Variants in LRP1B observed in about 807,000 individuals in gnomAD.
LRP1B encodes low-density lipoprotein receptor-related protein 1B.
In LRP1B, 217 loss-of-function variants were observed where a neutral mutation model predicts 556.6. The observed-to-expected ratio is 0.39, with a 90% CI of 0.35 to 0.44. The LOEUF is 0.44. Ranked by LOEUF, LRP1B falls within the 20% of genes least tolerant of loss-of-function variation. The probability of loss-of-function intolerance (pLI) is 1.00; values close to 1 mark genes in which losing one functional copy is unlikely to be tolerated. For synonymous variants in LRP1B, 2,047 were observed against 1,865.8 expected, an observed-to-expected ratio of 1.10 and a Z score of -2.50; for missense variants, 5,053 against 5,620.8, an observed-to-expected ratio of 0.90 and a Z score of 3.23.
In LRP1B at chr2:140,808,973, CT is replaced by C. The variant is rs909909832; in HGVS notation, c.5359+4683del. On this transcript the variant is annotated intron_variant, in intron 32 of 90. Transcript: ENST00000389484. ...ATACTATACCAGCTCTACCAGGTGA[CT>C]TTTTTTTTTCTACTAAAGTCCCCTC... Among the ~76,000 whole-genome samples the C allele has an allele frequency of 2.4e-3, 353 of 149,882 alleles. 1 individual carries two copies. The highest frequency in any genetic ancestry group is 6.6e-3 in the African/African-American group (270 of 40,848).
chr2:141,576,753 CAAA>C (rs72183984), intron 2 of LRP1B, among the ~76,000 whole-genome samples: 44 of 92,300 alleles, frequency 4.8e-4, no homozygotes, highest in Admixed American at 5.3e-4. Context: ...GCCCCTGTCT[CAAA>C]AAAAAAAAAA....
chr2:141,975,395 T>C (rs1430270075), intron 1 of LRP1B, among the ~76,000 whole-genome samples: 1 of 152,062 alleles, frequency 6.6e-6, no homozygotes, highest in Non-Finnish European at 1.5e-5. Context: ...AGCCTCCTCC[T>C]TCATGGAAAG....
chr2:140,786,240 T>C (rs1689895969), intron 32 of LRP1B, among the ~76,000 whole-genome samples: 1 of 152,184 alleles, frequency 6.6e-6, no homozygotes, highest in Admixed American at 6.5e-5. Flanking sequence ...CAACTTTCAA[T>C]TTTCCAGGGA....
At chr2:141,533,559 G>C (rs559166041) in intron 2 of LRP1B, among the ~76,000 whole-genome samples, 1 of 152,150 alleles carries the variant, frequency 6.6e-6, no homozygotes, top group African/African-American at 2.4e-5. Context: ...GAGCCCCATA[G>C]ATAAGTTTAC....
chr2:140,876,764 C>G (rs1403407377), intron 25 of LRP1B, among the ~76,000 whole-genome samples: 1 of 152,106 alleles, frequency 6.6e-6, no homozygotes, highest in Non-Finnish European at 1.5e-5. Context: ...TTCTATGGAA[C>G]AAAATTCCAT....
intron 7 of LRP1B, among the ~76,000 whole-genome samples, chr2:141,074,618 A>C: frequency 9.8e-6 from 1 of 101,786 alleles, no homozygotes; most frequent in South Asian, 3.5e-4. Flanking sequence ...TTTTTTATAT[A>C]TATATAAAAC....
At chr2:140,345,643 T>G (rs1681610125) in intron 77 of LRP1B, among the ~76,000 whole-genome samples, 1 of 147,968 alleles carries the variant, frequency 6.8e-6, no homozygotes, top group South Asian at 2.1e-4. Context: ...TGTGTATGTA[T>G]GTATATATGT....
intron 43 of LRP1B, 63 bp from the exon 44 acceptor site, chr2:140,542,034 T>A (rs1465345905): frequency 1.9e-6 from 2 of 1,062,486 alleles, no homozygotes; most frequent in Non-Finnish European, 2.6e-6. Flanking sequence ...CGTCCACACC[T>A]ATTTTTGCTT....
intron 2 of LRP1B, among the ~76,000 whole-genome samples, chr2:141,693,821 A>T (rs1691632917): frequency 6.6e-6 from 1 of 151,944 alleles, no homozygotes. Context: ...ATTCTCTTGA[A>T]TTTGCTGCCC....
intron 55 of LRP1B, among the ~76,000 whole-genome samples, chr2:140,501,048 G>A (rs758471080): frequency 6.6e-6 from 1 of 151,884 alleles, no homozygotes; most frequent in Non-Finnish European, 1.5e-5. Context: ...CATTGTGTTA[G>A]TTTTGTCCGT....
At chr2:141,733,693 G>C (rs948040864) in intron 2 of LRP1B, among the ~76,000 whole-genome samples, 2 of 152,030 alleles carry the variant, frequency 1.3e-5, no homozygotes, top group Non-Finnish European at 2.9e-5. Context: ...TTACATGGAG[G>C]TCCTCAAATA....
intron 1 of LRP1B, among the ~76,000 whole-genome samples, chr2:142,109,880 A>G (rs1438274003): frequency 6.6e-6 from 1 of 152,194 alleles, no homozygotes; most frequent in East Asian, 1.9e-4. Context: ...TGCATTAAGC[A>G]TTCCTCACAG....
intron 1 of LRP1B, among the ~76,000 whole-genome samples, chr2:141,892,123 T>C (rs1699310378): frequency 6.6e-6 from 1 of 151,972 alleles, no homozygotes; most frequent in Non-Finnish European, 1.5e-5. Flanking sequence ...CTCTAACAAC[T>C]GTATTTCAGA....
At chr2:140,832,089 T>G (rs922216204) in intron 31 of LRP1B, among the ~76,000 whole-genome samples, 10 of 152,144 alleles carry the variant, frequency 6.6e-5, no homozygotes, top group African/African-American at 2.4e-4. Context: ...TTTAATACAG[T>G]TGACCTTCAA....
chr2:141,526,793 C>A (rs910983548), intron 2 of LRP1B, among the ~76,000 whole-genome samples: 2 of 152,050 alleles, frequency 1.3e-5, no homozygotes, highest in African/African-American at 4.8e-5. Context: ...CAGAACAGTA[C>A]TGCTAGTCTC....
At chr2:141,075,660 G>C (rs1041954666) in intron 7 of LRP1B, among the ~76,000 whole-genome samples, 1 of 152,122 alleles carries the variant, frequency 6.6e-6, no homozygotes, top group Admixed American at 6.6e-5. Context: ...TGCACTTAAG[G>C]AAGTCCTATT....
intron 21 of LRP1B, among the ~76,000 whole-genome samples, chr2:140,919,394 G>A (rs930506260): frequency 6.6e-6 from 1 of 152,064 alleles, no homozygotes. Context: ...CTCAATTGCA[G>A]TGCCTGTGTC....
intron 2 of LRP1B, among the ~76,000 whole-genome samples, chr2:141,547,056 G>T (rs1004204097): frequency 4.6e-5 from 7 of 152,104 alleles, no homozygotes; most frequent in Non-Finnish European, 1.0e-4. Context: ...TGTCTAAGCT[G>T]GAATTTCCAG....
chr2:141,289,149 C>T (rs566423659), intron 3 of LRP1B, among the ~76,000 whole-genome samples: 2 of 152,022 alleles, frequency 1.3e-5, no homozygotes, highest in Non-Finnish European at 2.9e-5. Flanking sequence ...TTTTGGGAGG[C>T]TGAGGCGGGT....
Sources: allele counts gnomAD v4.1 joint callset (sites outside exome capture counted in the v4.1 genomes callset), GRCh38; gene constraint gnomAD v4.1.1; transcripts MANE v1.5; gene names NCBI Gene and HGNC (gene_info 2026-07-23, HGNC 2026-07-21).